DGAT2L6: variants seen among roughly 807,000 people sequenced by gnomAD.
DGAT2L6 encodes the protein diacylglycerol O-acyltransferase 2 like 6, also known as diacylglycerol O-acyltransferase 2-like protein 6.
In DGAT2L6, 22 loss-of-function variants were observed where a neutral mutation model predicts 25.5. The observed-to-expected ratio is 0.86, with a 90% CI of 0.62 to 1.23. The LOEUF (loss-of-function observed/expected upper bound fraction) is 1.23, where lower values mean the gene tolerates loss of function less well. Among genes scored for constraint, DGAT2L6 ranks in the 50% most tolerant of loss-of-function variants. DGAT2L6 has a pLI of 0.00. For missense variants in DGAT2L6, 287 were observed against 253.2 expected (o/e 1.13, Z -0.91); for synonymous variants, 100 against 94.7 (o/e 1.06, Z -0.32).
At chrX:70,190,426 C>CAACA (rs35276132) in intron 1 of DGAT2L6, among the ~76,000 whole-genome samples, 20,726 of 110,809 alleles carry the variant, frequency 0.19, 1,678 homozygotes, top group South Asian at 0.32. Flanking sequence ...TAGTAGAGTC[C>CAACA]AACACCAAGG....
chrX:70,192,889 G>A (rs181375147), intron 1 of DGAT2L6, among the ~76,000 whole-genome samples: 4 of 111,406 alleles, frequency 3.6e-5, no homozygotes, highest in African/African-American at 9.8e-5. Flanking sequence ...GAAATATAAA[G>A]GTCATAAAAG....
At chrX:70,193,579 G>T (rs1326240708) in intron 1 of DGAT2L6, among the ~76,000 whole-genome samples, 1 of 112,147 alleles carries the variant, frequency 8.9e-6, no homozygotes, top group East Asian at 2.8e-4. Context: ...TCCCTGGGAT[G>T]CAGGGGTGGT....
intron 1 of DGAT2L6, among the ~76,000 whole-genome samples, chrX:70,194,548 G>A (rs1464871805): frequency 9.0e-6 from 1 of 111,634 alleles, no homozygotes; most frequent in Non-Finnish European, 1.9e-5. Flanking sequence ...AACAGACACA[G>A]AAACCAATGA....
chrX:70,194,478 C>T (rs1262127876), intron 1 of DGAT2L6, among the ~76,000 whole-genome samples: 2 of 112,005 alleles, frequency 1.8e-5, no homozygotes, highest in African/African-American at 6.5e-5. Context: ...CATCACACTT[C>T]CTGATTTCAA....
At chrX:70,200,962 C>A (rs1405823661) in intron 4 of DGAT2L6, among the ~76,000 whole-genome samples, 2 of 112,019 alleles carry the variant, frequency 1.8e-5, no homozygotes, top group Non-Finnish European at 3.8e-5. Flanking sequence ...GGAACCCCTT[C>A]ACACTTGCAT....
At chrX:70,201,803 T>A (rs1396506367) in intron 4 of DGAT2L6, 87 bp from the exon 5 acceptor site, 1 of 979,202 alleles carries the variant, frequency 1.0e-6, no homozygotes, top group Non-Finnish European at 1.4e-6. Flanking sequence ...ACAGAAGAAC[T>A]GTCTCCAAAA....
In DGAT2L6 at chrX:70,201,750, C is replaced by T. The variant is rs189452310; in HGVS notation, c.473-140C>T. 11 of 693,934 alleles carry T rather than the reference C, an allele frequency of 1.6e-5. 1 individual carries two copies. Among genetic ancestry groups the T allele is most frequent in the East Asian group, 1.5e-4 (4 of 26,221 alleles). 57.2% of individuals were successfully genotyped at this position (693,934 alleles called of 1,213,427 possible). A position where few individuals can be genotyped will look rare whatever the true frequency, so the allele number is the denominator to read the frequency against. On this transcript the variant is annotated intron_variant, in intron 4 of 6. Coordinates refer to ENST00000333026, the MANE Select transcript of DGAT2L6 (RefSeq NM_198512.3). The stretch of plus-strand genomic sequence containing the variant: ...GCTAGGGCAGTCATAACCCGGGACA[C>T]GAAGGTCAGAGACAGAAAGGTGGAA...
chrX:70,181,043 T>G (rs1333034643), intron 1 of DGAT2L6, among the ~76,000 whole-genome samples: 1 of 112,239 alleles, frequency 8.9e-6, no homozygotes, highest in Non-Finnish European at 1.9e-5. Flanking sequence ...AGACTCTGCT[T>G]TCAATGCTTT....
In DGAT2L6 at chrX:70,200,156, C is replaced by A. The variant is rs2085404970; in HGVS notation, c.268-99C>A. On this transcript the variant is annotated intron_variant, in intron 3 of 6. Transcript: ENST00000333026. ...CAACCTAGTGAACAGGGATTTGGGG[C>A]TCCCAGAGGGAAACATAGGCTACCT... The A allele has an allele frequency of 5.9e-6, 5 of 842,903 alleles. No individual in the cohort carries two copies. In the South Asian group the frequency reaches 9.3e-5, roughly 16 times the overall value. The allele number at this position is 842,903 out of a possible 1,213,427, so 69.5% of individuals were successfully genotyped here.
At chrX:70,191,022 GC>G (rs1040136180) in intron 1 of DGAT2L6, among the ~76,000 whole-genome samples, 1 of 112,075 alleles carries the variant, frequency 8.9e-6, no homozygotes, top group Non-Finnish European at 1.9e-5. Context: ...CCTAGCAGAA[GC>G]CCCCCCATAA....
intron 1 of DGAT2L6, among the ~76,000 whole-genome samples, chrX:70,179,390 T>G (rs1428349369): frequency 9.0e-6 from 1 of 110,856 alleles, no homozygotes; most frequent in African/African-American, 3.3e-5. Context: ...AGGAATGTCC[T>G]AAGAGACTTG....
At chrX:70,179,562 C>CTTTTT (rs3084451) in intron 1 of DGAT2L6, among the ~76,000 whole-genome samples, 63 of 64,213 alleles carry the variant, frequency 9.8e-4, no homozygotes, top group African/African-American at 3.4e-3. Flanking sequence ...TCTGAGGCAG[C>CTTTTT]TTTTTTTTTT....
At chrX:70,193,186 C>T (rs1211636317) in intron 1 of DGAT2L6, among the ~76,000 whole-genome samples, 7 of 109,611 alleles carry the variant, frequency 6.4e-5, no homozygotes, top group African/African-American at 2.3e-4. Context: ...GGCATGGTGG[C>T]GTGCTCCTGT....
At chrX:70,187,622 TC>T (rs202192230) in intron 1 of DGAT2L6, among the ~76,000 whole-genome samples, 2,063 of 112,303 alleles carry the variant, frequency 0.018, 29 homozygotes, top group East Asian at 0.1. Context: ...ACCAGCCATG[TC>T]CTTGGCTACA....
intron 1 of DGAT2L6, among the ~76,000 whole-genome samples, chrX:70,188,142 G>A (rs1463524452): frequency 1.8e-5 from 2 of 111,822 alleles, no homozygotes; most frequent in African/African-American, 3.2e-5. Flanking sequence ...TTTGAAGAAA[G>A]GACCCACTTA....
intron 1 of DGAT2L6, among the ~76,000 whole-genome samples, chrX:70,183,300 T>C (rs1434770699): frequency 8.9e-6 from 1 of 112,034 alleles, no homozygotes; most frequent in African/African-American, 3.3e-5. Context: ...GGAAATGTAC[T>C]CTCCCACTCC....
chrX:70,182,399 C>T (rs1047456658), intron 1 of DGAT2L6, among the ~76,000 whole-genome samples: 4 of 106,601 alleles, frequency 3.8e-5, no homozygotes, highest in African/African-American at 1.4e-4. Context: ...TTTTCCTGAT[C>T]GTCTAACCTC....
chrX:70,186,614 C>T (rs2085360479), intron 1 of DGAT2L6, among the ~76,000 whole-genome samples: 1 of 111,966 alleles, frequency 8.9e-6, no homozygotes, highest in Non-Finnish European at 1.9e-5. Flanking sequence ...AGCTGTGTAC[C>T]ACCTATGCTA....
intron 5 of DGAT2L6, 28 bp from the exon 6 acceptor site, chrX:70,204,277 G>T: frequency 1.7e-6 from 2 of 1,160,242 alleles, no homozygotes; most frequent in Non-Finnish European, 2.3e-6. Flanking sequence ...TCCTCAGAGA[G>T]CTCACACTCC....
Sources: gnomAD v4.1 joint callset for allele counts (sites outside exome capture counted in the v4.1 genomes callset) on GRCh38, gnomAD v4.1.1 for gene constraint, MANE v1.5 for transcripts, NCBI Gene and HGNC (gene_info 2026-07-23, HGNC 2026-07-21) for gene names.